The following CYP19A1 variants were observed in gnomAD, a reference collection of about 807,000 sequenced individuals.
The protein encoded by CYP19A1 is cytochrome P450 family 19 subfamily A member 1.
CYP19A1 carries 32 observed loss-of-function variants against 44.4 expected under a neutral mutation model. The ratio of observed to expected loss-of-function variants is 0.72; its 90% CI spans 0.54 to 0.97. CYP19A1 has a LOEUF of 0.97. CYP19A1 is among the 50% of genes least tolerant of loss of function. CYP19A1 has a pLI of 0.00. For synonymous variants in CYP19A1, 212 were observed against 215.6 expected, an observed-to-expected ratio of 0.98 and a Z score of 0.14; for missense variants, 598 against 637.8, an observed-to-expected ratio of 0.94 and a Z score of 0.67.
intron 1 of CYP19A1, among the ~76,000 whole-genome samples, chr15:51,303,169 G>A (rs2036149559): frequency 6.6e-6 from 1 of 152,226 alleles, no homozygotes; most frequent in African/African-American, 2.4e-5. Context: ...ACTAAATAGT[G>A]GAGATGGGGT....
At chr15:51,238,683 CT>C (rs2033561166) in intron 2 of CYP19A1, among the ~76,000 whole-genome samples, 1 of 152,252 alleles carries the variant, frequency 6.6e-6, no homozygotes, top group African/African-American at 2.4e-5. Context: ...TATTTGGGAC[CT>C]GCCATTCAAA....
intron 1 of CYP19A1, among the ~76,000 whole-genome samples, chr15:51,335,904 G>C (rs2446409): frequency 2.6e-5 from 4 of 152,098 alleles, no homozygotes; most frequent in Admixed American, 2.6e-4. Flanking sequence ...TGCTCCTGAC[G>C]CTCCATGTGG....
intron 1 of CYP19A1, among the ~76,000 whole-genome samples, chr15:51,330,660 C>A (rs1033310306): frequency 6.6e-6 from 1 of 152,046 alleles, no homozygotes; most frequent in African/African-American, 2.4e-5. Context: ...ATGTAGGGCA[C>A]AACCCTGGAG....
At chr15:51,276,408 A>G (rs992704679) in intron 1 of CYP19A1, among the ~76,000 whole-genome samples, 4 of 152,246 alleles carry the variant, frequency 2.6e-5, no homozygotes, top group Non-Finnish European at 5.9e-5. Flanking sequence ...AACCACTGCA[A>G]AAACTTAGCT....
At chr15:51,300,729 G>A (rs2141000947) in intron 1 of CYP19A1, among the ~76,000 whole-genome samples, 1 of 152,242 alleles carries the variant, frequency 6.6e-6, no homozygotes, top group Admixed American at 6.5e-5. Flanking sequence ...AAACACGCTT[G>A]CCCCCAAATT....
chr15:51,305,853 G>A (rs147117452), intron 1 of CYP19A1, among the ~76,000 whole-genome samples: 24 of 152,272 alleles, frequency 1.6e-4, no homozygotes, highest in Admixed American at 1.3e-3. Flanking sequence ...GAGCCACTGC[G>A]CGCCACCTTG....
intron 1 of CYP19A1, among the ~76,000 whole-genome samples, chr15:51,283,060 G>T (rs1467612800): frequency 2.6e-5 from 4 of 151,856 alleles, no homozygotes; most frequent in Non-Finnish European, 5.9e-5. Flanking sequence ...AAAAATTCCA[G>T]TTTTTTTTGG....
rs2141029522 is a variant in CYP19A1 at position 51,210,739 on chromosome 15, C to T, written c.*69G>A. 2.0e-6 allele frequency: 2 copies of T among 1,021,526 alleles called. No individual in the cohort carries two copies. The highest frequency in any genetic ancestry group is 3.1e-6 in the Non-Finnish European group (2 of 638,462). 63.3% of individuals were successfully genotyped at this position (1,021,526 alleles called of 1,614,324 possible). A position where few individuals can be genotyped will look rare whatever the true frequency, so the allele number is the denominator to read the frequency against. ...TTCACTGTGAGGATGACACTATTGG[C>T]AAGGATGGATGATTTGTATGTGAAC... On this transcript the variant is annotated 3_prime_UTR_variant, in exon 10 of 10. Coordinates refer to ENST00000396402, the MANE Select transcript of CYP19A1 (RefSeq NM_000103.4).
intron 1 of CYP19A1, among the ~76,000 whole-genome samples, chr15:51,247,457 ATTT>A (rs977384864): frequency 6.8e-5 from 8 of 118,100 alleles, no homozygotes; most frequent in Admixed American, 4.6e-4. Flanking sequence ...TTACTTTTTT[ATTT>A]TTATTTTTAT....
At position 51,328,698 on chromosome 15, in the gene CYP19A1, G is replaced by A. The variant is rs140691368; in HGVS notation, c.-39+9797C>T. Among the ~76,000 whole-genome samples, 371 of 152,232 alleles carry A rather than the reference G, an allele frequency of 2.4e-3. 8 individuals carry two copies. The highest frequency in any genetic ancestry group is 0.02 in the Admixed American group (306 of 15,276). ...TATGTGTCAACTTGACTGGGTCATA[G>A]GGTGCCCAGATATTTGGTCAAACAT... is the stretch of plus-strand genomic sequence containing the variant. On this transcript the variant is annotated intron_variant, in intron 1 of 9. Coordinates refer to ENST00000396402, the MANE Select transcript of CYP19A1 (RefSeq NM_000103.4).
rs182240299 is a variant in CYP19A1, at chr15:51,251,080, C to A, written c.-38-8130G>T. 2.1e-3 allele frequency among the ~76,000 whole-genome samples: 324 copies of A among 152,268 alleles called. 5 individuals are homozygous for A. Among genetic ancestry groups the A allele is most frequent in the African/African-American group, 7.6e-3 (316 of 41,546 alleles). On this transcript the variant is annotated intron_variant, in intron 1 of 9. Coordinates refer to ENST00000396402, the MANE Select transcript of CYP19A1 (RefSeq NM_000103.4). The stretch of plus-strand genomic sequence containing the variant: ...ACCTGTTCACTTCCCAGGCCTGCCA[C>A]GCCCGGGCTGAGGGGGAGCACTGAA...
intron 2 of CYP19A1, among the ~76,000 whole-genome samples, chr15:51,237,759 A>G (rs1395694610): frequency 6.6e-6 from 1 of 152,248 alleles, no homozygotes; most frequent in Non-Finnish European, 1.5e-5. Context: ...AATTGTAAAG[A>G]ACATGCGTCC....
At chr15:51,279,030 G>A (rs1250011010) in intron 1 of CYP19A1, 2 of 152,122 alleles carry the variant, frequency 1.3e-5, no homozygotes, top group African/African-American at 4.8e-5. Flanking sequence ...AAATAAAGCT[G>A]GATGCGAGCC....
At chr15:51,258,943 T>G (rs2034616001) in intron 1 of CYP19A1, among the ~76,000 whole-genome samples, 1 of 152,118 alleles carries the variant, frequency 6.6e-6, no homozygotes, top group Admixed American at 6.5e-5. Context: ...GACAAAAGCT[T>G]GAGAAAGTGG....
chr15:51,237,183 G>A (rs1010742392), intron 2 of CYP19A1, among the ~76,000 whole-genome samples, 174 bp from the exon 3 acceptor site: 1 of 152,028 alleles, frequency 6.6e-6, no homozygotes, highest in Non-Finnish European at 1.5e-5. Flanking sequence ...AAAGCCTCAC[G>A]CTTAACATGA....
At chr15:51,287,904 AATGGGT>A (rs2035746154) in intron 1 of CYP19A1, among the ~76,000 whole-genome samples, 3 of 152,228 alleles carry the variant, frequency 2.0e-5, no homozygotes, top group Non-Finnish European at 4.4e-5. Context: ...TGGAAAAATC[AATGGGT>A]AAATAAATCT....
At chr15:51,243,761 G>A (rs2033920201) in intron 1 of CYP19A1, among the ~76,000 whole-genome samples, 1 of 152,214 alleles carries the variant, frequency 6.6e-6, no homozygotes, top group African/African-American at 2.4e-5. Flanking sequence ...CATTCGAAGA[G>A]CAGCTAACAT....
chr15:51,248,655 GTC>G (rs1283395509), intron 1 of CYP19A1, among the ~76,000 whole-genome samples: 1 of 152,148 alleles, frequency 6.6e-6, no homozygotes. Context: ...AGGGATCTGT[GTC>G]TCTCTCTTTC....
At chr15:51,310,575 A>C (rs1051367754) in intron 1 of CYP19A1, among the ~76,000 whole-genome samples, 2 of 152,204 alleles carry the variant, frequency 1.3e-5, no homozygotes, top group African/African-American at 4.8e-5. Flanking sequence ...TTGAGCACTA[A>C]AATCTCAAGA....
Sources: allele counts gnomAD v4.1 joint callset (sites outside exome capture counted in the v4.1 genomes callset), GRCh38; gene constraint gnomAD v4.1.1; transcripts MANE v1.5; gene names NCBI Gene and HGNC (gene_info 2026-07-23, HGNC 2026-07-21).